SEPTIN9: variants seen among roughly 807,000 people sequenced by gnomAD.
SEPTIN9 encodes septin-9.
A neutral mutation model predicts 56.6 loss-of-function variants in SEPTIN9; 13 were observed. The observed-to-expected ratio is 0.23, with a 90% CI of 0.15 to 0.37. The LOEUF is 0.37. SEPTIN9 is among the 10% of genes least tolerant of loss of function. The pLI, the probability that SEPTIN9 is intolerant of heterozygous loss-of-function variation, is 1.00. For synonymous variants in SEPTIN9, 332 were observed against 334.1 expected (o/e 0.99, Z 0.07); for missense variants, 650 against 823.1 (o/e 0.79, Z 2.57).
At position 77,467,806 on chromosome 17, in the gene SEPTIN9, C is replaced by G. The variant is rs914933862; in HGVS notation, c.722-14338C>G. On this transcript the variant is annotated intron_variant, in intron 3 of 11. Transcript: ENST00000427177. The stretch of plus-strand genomic sequence containing the variant: ...GAACCGTGGCTGCCCCCATGCTGGT[C>G]TGGGAGAGACGAGGGGCCGGACGAA... Among the ~76,000 whole-genome samples, 4 of 152,192 alleles carry G rather than the reference C, an allele frequency of 2.6e-5. No individual in the cohort carries two copies. The South Asian group carries it at 8.3e-4, about 32-fold the overall frequency.
At chr17:77,338,003 C>T (rs2033609297) in intron 2 of SEPTIN9, among the ~76,000 whole-genome samples, 1 of 152,050 alleles carries the variant, frequency 6.6e-6, no homozygotes, top group Admixed American at 6.5e-5. Flanking sequence ...TTGAGAACAG[C>T]CTGGCCAACA....
rs1019401708 is a variant in SEPTIN9 at position 77,451,583 on chromosome 17, C to G, written c.722-30561C>G. 2.3e-5 allele frequency: 23 copies of G among 981,816 alleles called. 1 individual carries two copies. Among genetic ancestry groups the G allele is most frequent in the Non-Finnish European group, 2.2e-5 (18 of 826,744 alleles). 60.8% of individuals were successfully genotyped at this position (981,816 alleles called of 1,614,324 possible). ...CTTGCACCACTGGCTCGGGGGCTCT[C>G]AGGTGGCGCGGCCGCGAGGCGGACC... is the stretch of plus-strand genomic sequence containing the variant. On this transcript the variant is annotated intron_variant, in intron 3 of 11. Coordinates refer to ENST00000427177, the MANE Select transcript of SEPTIN9 (RefSeq NM_001113491.2). The surrounding 1 kb of genome is among the most constrained non-coding windows in gnomAD (Gnocchi z 4.2).
intron 4 of SEPTIN9, among the ~76,000 whole-genome samples, chr17:77,485,779 G>A: frequency 6.6e-6 from 1 of 152,004 alleles, no homozygotes; most frequent in East Asian, 1.9e-4. Flanking sequence ...CCTCCCAGGA[G>A]CCCACACTTT....
chr17:77,428,444 T>A lies in SEPTIN9; in HGVS notation c.721+25741T>A, dbSNP rs181439460. 2.2e-4 allele frequency among the ~76,000 whole-genome samples: 34 copies of A among 152,310 alleles called. 1 individual carries two copies. The East Asian group carries it at 5.4e-3, about 24-fold the overall frequency. On this transcript the variant is annotated intron_variant, in intron 3 of 11. Coordinates refer to ENST00000427177, the MANE Select transcript of SEPTIN9 (RefSeq NM_001113491.2). ...CTGACCTTGGTGCCTTCTGGAGCCTTTCAACTTCCTTATCCAGAAAAAGAG... is the reference window on the plus strand; with the variant it reads ...CTGACCTTGGTGCCTTCTGGAGCCTATCAACTTCCTTATCCAGAAAAAGAG...
intron 2 of SEPTIN9, among the ~76,000 whole-genome samples, chr17:77,357,891 T>C (rs2143836478): frequency 6.6e-6 from 1 of 152,328 alleles, no homozygotes; most frequent in South Asian, 2.1e-4. Context: ...TAATCCTGGC[T>C]CTGTCATTAA....
intron 2 of SEPTIN9, among the ~76,000 whole-genome samples, chr17:77,397,217 G>A (rs867529039): frequency 6.6e-6 from 1 of 152,140 alleles, no homozygotes; most frequent in Non-Finnish European, 1.5e-5. Flanking sequence ...CACTCCCTCC[G>A]ACAGCTCGAG....
intron 3 of SEPTIN9, among the ~76,000 whole-genome samples, chr17:77,462,009 GTCC>G (rs2038497092): frequency 6.6e-6 from 1 of 152,228 alleles, no homozygotes; most frequent in Non-Finnish European, 1.5e-5. Context: ...CAGGCCTTGT[GTCC>G]TCCTATTCAG....
At position 77,450,839 on chromosome 17, in the gene SEPTIN9, A is replaced by C; in HGVS notation, c.722-31305A>C. 1.0e-6 allele frequency: 1 copy of C among 978,868 alleles called. No individual in the cohort carries two copies. The highest frequency in any genetic ancestry group is 1.2e-6 in the Non-Finnish European group (1 of 824,538). The allele number at this position is 978,868 out of a possible 1,614,324, so 60.6% of individuals were successfully genotyped here. ...TCCTCTCCTGCTCCTTCTCCCTTCC[A>C]TGGTCCCAGCCAGCAAGCACCTGGG... On this transcript the variant is annotated intron_variant, in intron 3 of 11. Coordinates refer to ENST00000427177, the MANE Select transcript of SEPTIN9 (RefSeq NM_001113491.2). The surrounding 1 kb of genome is among the most constrained non-coding windows in gnomAD (Gnocchi z 6.0).
At chr17:77,350,610 A>AGAGTGTGTGTGT (rs141783843) in intron 2 of SEPTIN9, among the ~76,000 whole-genome samples, 135 of 149,394 alleles carry the variant, frequency 9.0e-4, no homozygotes, top group Non-Finnish European at 1.6e-3. Flanking sequence ...CCTCCAGTGC[A>AGAGTGTGTGTGT]GTGTGTGTGT....
Position 77,475,334 on chromosome 17 carries a change from C to T in SEPTIN9, c.722-6810C>T, listed in dbSNP as rs2039164105. On this transcript the variant is annotated intron_variant, in intron 3 of 11. Transcript: ENST00000427177. The surrounding 1 kb of genome is among the most constrained non-coding windows in gnomAD (Gnocchi z 4.6). ...GCCCTGGTTGCGAGGCAGGGCTTCCCCAGGATTCAGCAGGGATCTGAAGGA... is the reference window on the plus strand; with the variant it reads ...GCCCTGGTTGCGAGGCAGGGCTTCCTCAGGATTCAGCAGGGATCTGAAGGA... 3.1e-5 allele frequency: 45 copies of T among 1,428,948 alleles called. No homozygotes were observed. The highest frequency in any genetic ancestry group is 4.1e-5 in the Non-Finnish European group (45 of 1,097,132). The allele number at this position is 1,428,948 out of a possible 1,614,324, so 88.5% of individuals were successfully genotyped here.
intron 2 of SEPTIN9, among the ~76,000 whole-genome samples, chr17:77,344,950 C>T (rs1206653887): frequency 6.1e-5 from 7 of 115,026 alleles, no homozygotes; most frequent in East Asian, 2.8e-4. Flanking sequence ...CCAGCTTGGG[C>T]GACAGAGCAA....
At chr17:77,309,635 C>T (rs1443423879) in intron 2 of SEPTIN9, among the ~76,000 whole-genome samples, 2 of 152,110 alleles carry the variant, frequency 1.3e-5, no homozygotes, top group Non-Finnish European at 2.9e-5. Flanking sequence ...GACGAAGGCT[C>T]TTCTCGAGGT....
intron 2 of SEPTIN9, among the ~76,000 whole-genome samples, chr17:77,342,240 G>T (rs1004524567): frequency 6.6e-6 from 1 of 152,208 alleles, no homozygotes; most frequent in Non-Finnish European, 1.5e-5. Context: ...AGACTTACTT[G>T]ATGCAGGGCT....
rs1783959018 is a variant in SEPTIN9, at chr17:77,389,817, T to C, written c.77-12242T>C. 1.3e-5 allele frequency among the ~76,000 whole-genome samples: 2 copies of C among 151,930 alleles called. No individual in the cohort carries two copies. Among genetic ancestry groups the C allele is most frequent in the Non-Finnish European group, 2.9e-5 (2 of 67,932 alleles). Reference sequence around the variant, plus strand: ...CGCCCATTTCCCCTCAATCTGCTCCTAGTGGAGCAGCCAGCAGCTGGTTTA... The same window carrying C: ...CGCCCATTTCCCCTCAATCTGCTCCCAGTGGAGCAGCCAGCAGCTGGTTTA... On this transcript the variant is annotated intron_variant, in intron 2 of 11. Coordinates refer to ENST00000427177, the MANE Select transcript of SEPTIN9 (RefSeq NM_001113491.2). This position sits in a 1 kb window ranked among gnomAD's most constrained non-coding sequence, Gnocchi z 4.3.
At chr17:77,377,419 C>T (rs1005111441) in intron 2 of SEPTIN9, among the ~76,000 whole-genome samples, 1 of 152,144 alleles carries the variant, frequency 6.6e-6, no homozygotes, top group East Asian at 1.9e-4. Context: ...TTTCCAAGTA[C>T]CAGCTGTTGG....
At position 77,498,705 on chromosome 17, in the gene SEPTIN9, T is replaced by C. The variant is rs771484690; in HGVS notation, c.*47T>C. 25 of 814,078 alleles carry C rather than the reference T, an allele frequency of 3.1e-5. 1 individual carries two copies. The highest frequency in any genetic ancestry group is 1.4e-4 in the African/African-American group (7 of 49,084). 50.4% of individuals were successfully genotyped at this position (814,078 alleles called of 1,614,324 possible). On this transcript the variant is annotated 3_prime_UTR_variant, in exon 12 of 12. Transcript: ENST00000427177. ...GGATCCTGCCCCCAAGTCATTTCCG[T>C]CCCCCCCCAGGCCCTCCCACCACCC...
In SEPTIN9 at chr17:77,313,581, C is replaced by G. The variant is rs574391265; in HGVS notation, c.76+6384C>G. On this transcript the variant is annotated intron_variant, in intron 2 of 11. Coordinates refer to ENST00000427177, the MANE Select transcript of SEPTIN9 (RefSeq NM_001113491.2). The surrounding 1 kb of genome is among the most constrained non-coding windows in gnomAD (Gnocchi z 4.5). Reference sequence around the variant, plus strand: ...GTAGGCGGGCCAGGCTGGGGCCAGCCTGGAGGGTCTTGGCTGGCTCTGCTG... The same window carrying G: ...GTAGGCGGGCCAGGCTGGGGCCAGCGTGGAGGGTCTTGGCTGGCTCTGCTG... 6.6e-6 allele frequency among the ~76,000 whole-genome samples: 1 copy of G among 152,162 alleles called. No individual in the cohort carries two copies. The highest frequency in any genetic ancestry group is 2.1e-4 in the South Asian group (1 of 4,826).
chr17:77,488,977 CAG>C, intron 7 of SEPTIN9, 113 bp downstream of exon 7: 1 of 1,386,378 alleles, frequency 7.2e-7, no homozygotes, highest in Non-Finnish European at 9.8e-7. Context: ...GGGGCTGAGT[CAG>C]GGGCCATGGC....
chr17:77,470,276 A>G (rs2038931043), intron 3 of SEPTIN9, among the ~76,000 whole-genome samples: 1 of 150,804 alleles, frequency 6.6e-6, no homozygotes, highest in South Asian at 2.1e-4. Context: ...CTGTCCATCC[A>G]CTTATCCACC....
Sources: allele counts gnomAD v4.1 joint callset (sites outside exome capture counted in the v4.1 genomes callset), GRCh38; gene constraint gnomAD v4.1.1; non-coding constraint Gnocchi (gnomAD v3.1); transcripts MANE v1.5; gene names NCBI Gene and HGNC (gene_info 2026-07-23, HGNC 2026-07-21).